NAV3: variants seen among roughly 807,000 people sequenced by gnomAD.
NAV3 encodes pore membrane and/or filament interacting like protein 1.
Under a neutral mutation model 244.7 loss-of-function variants are expected in NAV3, and 87 were observed. That is an observed-to-expected ratio of 0.36 (90% CI 0.30 to 0.42). NAV3 has a LOEUF of 0.42. Among genes scored for constraint, NAV3 ranks in the 20% least tolerant of loss-of-function variants. NAV3 has a pLI of 1.00. For synonymous variants in NAV3, 1,126 were observed against 1,042.2 expected (o/e 1.08, Z -1.55); for missense variants, 2,663 against 2,893.3 (o/e 0.92, Z 1.83).
At chr12:77,870,303 T>G (rs1880744489) in intron 1 of NAV3, among the ~76,000 whole-genome samples, 1 of 149,372 alleles carries the variant, frequency 6.7e-6, no homozygotes. Flanking sequence ...AGGCAGAGGT[T>G]GCATTGAGCT....
intron 9 of NAV3, among the ~76,000 whole-genome samples, chr12:78,045,176 A>G (rs1220020822): frequency 1.3e-5 from 2 of 152,172 alleles, no homozygotes; most frequent in African/African-American, 4.8e-5. Flanking sequence ...TTCTGCATCT[A>G]TTGAGATAAT....
chr12:78,184,975 T>G (rs1958651230), intron 30 of NAV3, among the ~76,000 whole-genome samples: 2 of 151,846 alleles, frequency 1.3e-5, no homozygotes, highest in South Asian at 4.1e-4. Context: ...AACTTTATCA[T>G]GCTTCTGTAA....
intron 39 of NAV3, among the ~76,000 whole-genome samples, chr12:78,206,329 C>G (rs942921314): frequency 2.0e-5 from 3 of 152,064 alleles, no homozygotes; most frequent in Admixed American, 6.6e-5. Context: ...GGTTTGGATT[C>G]AGCATAATTG....
intron 2 of NAV3, among the ~76,000 whole-genome samples, chr12:77,630,337 G>A (rs1286667415): frequency 6.6e-6 from 1 of 152,176 alleles, no homozygotes. Flanking sequence ...TATTCCTATA[G>A]ATTAGCAAAT....
intron 1 of NAV3, among the ~76,000 whole-genome samples, chr12:77,878,012 G>C (rs1046951142): frequency 2.0e-5 from 3 of 151,994 alleles, no homozygotes; most frequent in African/African-American, 7.3e-5. Context: ...CAATAAATGA[G>C]CATTCTACAA....
chr12:77,675,278 G>C lies in NAV3; in HGVS notation c.72+103012G>C, dbSNP rs1052833159. On this transcript the variant is annotated intron_variant, in intron 2 of 8. Transcript: ENST00000550042. Reference sequence around the variant, plus strand: ...ATATATATTAAGAGATTTATTGCAAGGAATTGGCTTACATGATTGTGGGGA... The same window carrying C: ...ATATATATTAAGAGATTTATTGCAACGAATTGGCTTACATGATTGTGGGGA... Among the ~76,000 whole-genome samples, 3 of 152,186 alleles carry C rather than the reference G, an allele frequency of 2.0e-5. No individual in the cohort carries two copies. The South Asian group carries it at 6.2e-4, about 32-fold the overall frequency.
chr12:78,034,802 G>A (rs1879577814), intron 9 of NAV3, among the ~76,000 whole-genome samples: 1 of 152,148 alleles, frequency 6.6e-6, no homozygotes, highest in African/African-American at 2.4e-5. Flanking sequence ...GAATTCTAAG[G>A]GGAGTGTCAT....
intron 2 of NAV3, among the ~76,000 whole-genome samples, chr12:77,676,558 C>T (rs1477333444): frequency 9.8e-5 from 3 of 30,636 alleles, no homozygotes; most frequent in Non-Finnish European, 4.1e-4. Flanking sequence ...CCCTTTAAAG[C>T]CTTTTTTTTT....
At chr12:77,747,952 G>A (rs1056999021) in intron 2 of NAV3, among the ~76,000 whole-genome samples, 4 of 152,118 alleles carry the variant, frequency 2.6e-5, no homozygotes, top group Non-Finnish European at 4.4e-5. Context: ...GATAATGGGT[G>A]CAGCACACCA....
At chr12:77,960,571 CAT>C (rs1163718546) in intron 3 of NAV3, among the ~76,000 whole-genome samples, 1 of 148,292 alleles carries the variant, frequency 6.7e-6, no homozygotes, top group Non-Finnish European at 1.5e-5. Flanking sequence ...TAACACATAG[CAT>C]ATATTACCTA....
intron 2 of NAV3, among the ~76,000 whole-genome samples, chr12:77,726,772 A>C (rs1281074253): frequency 6.6e-6 from 1 of 151,874 alleles, no homozygotes; most frequent in Non-Finnish European, 1.5e-5. Flanking sequence ...CAAAAAGAGC[A>C]CTAGTAAAGA....
intron 2 of NAV3, chr12:77,783,501 C>G (rs919982771): frequency 6.6e-6 from 1 of 152,182 alleles, no homozygotes; most frequent in African/African-American, 2.4e-5. Context: ...ACAGTGGGAA[C>G]CTCCAAGGAA....
At chr12:77,960,176 A>G (rs1891757030) in intron 3 of NAV3, among the ~76,000 whole-genome samples, 1 of 152,038 alleles carries the variant, frequency 6.6e-6, no homozygotes, top group South Asian at 2.1e-4. Flanking sequence ...TTAGGATGCC[A>G]TAGAAGTAAG....
intron 2 of NAV3, among the ~76,000 whole-genome samples, chr12:77,614,074 C>CTCTTTTTTTTT (rs1871046817): frequency 1.0e-5 from 1 of 95,648 alleles, no homozygotes; most frequent in African/African-American, 4.1e-5. Context: ...TTCTTTCTCT[C>CTCTTTTTTTTT]TTTTTTTTTT....
chr12:77,597,835 A>C (rs1870238564), intron 2 of NAV3, among the ~76,000 whole-genome samples: 1 of 152,138 alleles, frequency 6.6e-6, no homozygotes, highest in Non-Finnish European at 1.5e-5. Flanking sequence ...TACCTGTAGC[A>C]AGATACTACT....
intron 2 of NAV3, among the ~76,000 whole-genome samples, chr12:77,699,118 A>G (rs1362754311): frequency 6.6e-6 from 1 of 152,172 alleles, no homozygotes; most frequent in Non-Finnish European, 1.5e-5. Context: ...TTTCACTGGC[A>G]TGGAATATAG....
intron 2 of NAV3, among the ~76,000 whole-genome samples, chr12:77,586,094 G>A (rs1228120388): frequency 6.6e-6 from 1 of 152,036 alleles, no homozygotes; most frequent in South Asian, 2.1e-4. Context: ...CCCGGGAGGC[G>A]GAGCTTGCAG....
At chr12:77,988,556 C>T (rs1182471935) in intron 5 of NAV3, among the ~76,000 whole-genome samples, 1 of 152,124 alleles carries the variant, frequency 6.6e-6, no homozygotes, top group African/African-American at 2.4e-5. Context: ...TTCCAGTTTA[C>T]TAGAAAGATG....
chr12:77,696,602 A>G (rs1308908450), intron 2 of NAV3, among the ~76,000 whole-genome samples: 4 of 152,130 alleles, frequency 2.6e-5, no homozygotes, highest in African/African-American at 9.7e-5. Flanking sequence ...TGAGATGATA[A>G]ACATGGGTTA....
Sources: allele counts gnomAD v4.1 joint callset (sites outside exome capture counted in the v4.1 genomes callset), GRCh38; gene constraint gnomAD v4.1.1; transcripts MANE v1.5; gene names NCBI Gene and HGNC (gene_info 2026-07-23, HGNC 2026-07-21).